The following CLDN10 variants were observed in gnomAD, a reference collection of about 807,000 sequenced individuals.
CLDN10 encodes claudin-10.
Under a neutral mutation model 22.9 loss-of-function variants are expected in CLDN10, and 15 were observed. The observed-to-expected ratio is 0.65, with a 90% CI of 0.44 to 1.01. The LOEUF (loss-of-function observed/expected upper bound fraction) is 1.01, where lower values mean the gene tolerates loss of function less well. Among genes scored for constraint, CLDN10 ranks in the 50% least tolerant of loss-of-function variants. The pLI, the probability that CLDN10 is intolerant of heterozygous loss-of-function variation, is 0.00. For missense variants in CLDN10, 247 were observed against 287.8 expected (o/e 0.86, Z 1.03); for synonymous variants, 114 against 111.4 (o/e 1.02, Z -0.15).
In CLDN10 at chr13:95,535,169, C is replaced by T. The variant is rs150791502; in HGVS notation, c.215-24963C>T. Among the ~76,000 whole-genome samples the T allele has an allele frequency of 3.2e-4, 49 of 152,186 alleles. No homozygotes were observed. In the East Asian group the frequency reaches 8.7e-3, roughly 27 times the overall value. ...TGATGGGCTGAAGATCCTAGGATACCTTTTGTGTCATGATAAGATACACAG... is the reference window on the plus strand; with the variant it reads ...TGATGGGCTGAAGATCCTAGGATACTTTTTGTGTCATGATAAGATACACAG... On this transcript the variant is annotated intron_variant, in intron 1 of 4. Transcript: ENST00000376873.
At chr13:95,537,902 A>G (rs1268061893) in intron 1 of CLDN10, among the ~76,000 whole-genome samples, 1 of 152,204 alleles carries the variant, frequency 6.6e-6, no homozygotes, top group African/African-American at 2.4e-5. Context: ...TTATCTGCCA[A>G]TTGATAAGCA....
chr13:95,489,393 T>G (rs542317578), intron 1 of CLDN10, among the ~76,000 whole-genome samples: 10 of 152,328 alleles, frequency 6.6e-5, no homozygotes, highest in Admixed American at 6.5e-4. Context: ...TACTGGTTTT[T>G]TTTTTATTTT....
At chr13:95,440,286 G>C (rs1240487705) in intron 1 of CLDN10, among the ~76,000 whole-genome samples, 1 of 152,182 alleles carries the variant, frequency 6.6e-6, no homozygotes, top group South Asian at 2.1e-4. Flanking sequence ...TCCTGATGCT[G>C]CTTTCTGAAA....
chr13:95,544,871 G>A (rs1362894428), intron 1 of CLDN10, among the ~76,000 whole-genome samples: 34 of 151,622 alleles, frequency 2.2e-4, no homozygotes, highest in Admixed American at 2.1e-3. Flanking sequence ...CCATCTCCCC[G>A]GTTCAAGCAA....
At chr13:95,524,094 C>CTTT (rs36014421) in intron 1 of CLDN10, among the ~76,000 whole-genome samples, 11 of 137,910 alleles carry the variant, frequency 8.0e-5, no homozygotes, top group South Asian at 2.3e-4. Context: ...CTTTGACTGG[C>CTTT]TTTTTTTTTT....
At chr13:95,438,051 T>A (rs187175543) in intron 1 of CLDN10, among the ~76,000 whole-genome samples, 2 of 152,304 alleles carry the variant, frequency 1.3e-5, no homozygotes, top group East Asian at 3.9e-4. Flanking sequence ...TCTTTTCTTC[T>A]GTTTTTAATT....
chr13:95,539,961 C>A (rs1368741677), intron 1 of CLDN10, among the ~76,000 whole-genome samples: 2 of 151,930 alleles, frequency 1.3e-5, no homozygotes, highest in African/African-American at 2.4e-5. Flanking sequence ...TCAAGACCAG[C>A]CTGGGCAACA....
At chr13:95,444,274 T>C (rs528445984) in intron 1 of CLDN10, among the ~76,000 whole-genome samples, 5 of 152,232 alleles carry the variant, frequency 3.3e-5, no homozygotes, top group African/African-American at 9.6e-5. Flanking sequence ...ATGTACATTA[T>C]AGAAAGCGCC....
chr13:95,506,587 G>A (rs2043041361), intron 1 of CLDN10, among the ~76,000 whole-genome samples: 1 of 152,132 alleles, frequency 6.6e-6, no homozygotes, highest in African/African-American at 2.4e-5. Context: ...CAAGCCTCAG[G>A]CCCTCACTGA....
At chr13:95,514,800 A>G (rs1332939362) in intron 1 of CLDN10, among the ~76,000 whole-genome samples, 1 of 152,162 alleles carries the variant, frequency 6.6e-6, no homozygotes, top group Non-Finnish European at 1.5e-5. Context: ...GATTTGCTTT[A>G]TAAGTTAAGA....
chr13:95,474,252 A>G (rs542635717), intron 1 of CLDN10, among the ~76,000 whole-genome samples: 1 of 152,306 alleles, frequency 6.6e-6, no homozygotes, highest in African/African-American at 2.4e-5. Flanking sequence ...GAGGGAACCC[A>G]GATCCCTCGT....
At chr13:95,435,360 A>T (rs2042258079) in intron 1 of CLDN10, among the ~76,000 whole-genome samples, 1 of 152,258 alleles carries the variant, frequency 6.6e-6, no homozygotes, top group African/African-American at 2.4e-5. Context: ...TTAACTAGGA[A>T]GTTACTAAAG....
intron 1 of CLDN10, among the ~76,000 whole-genome samples, chr13:95,449,892 C>T (rs891044476): frequency 6.6e-6 from 1 of 151,994 alleles, no homozygotes; most frequent in Admixed American, 6.6e-5. Context: ...TACAGGCGCC[C>T]GCCACCACGC....
intron 1 of CLDN10, among the ~76,000 whole-genome samples, chr13:95,442,392 C>A (rs1016101424): frequency 2.6e-5 from 4 of 152,096 alleles, no homozygotes; most frequent in Non-Finnish European, 5.9e-5. Flanking sequence ...TCCTTTGCTG[C>A]GTGTCTTGTC....
intron 1 of CLDN10, among the ~76,000 whole-genome samples, chr13:95,487,265 A>G (rs1172802550): frequency 2.6e-5 from 4 of 152,130 alleles, no homozygotes; most frequent in Non-Finnish European, 5.9e-5. Context: ...TTACTTTTCT[A>G]TTTTTCCCTT....
At chr13:95,575,298 T>C (rs2043909475) in intron 3 of CLDN10, among the ~76,000 whole-genome samples, 1 of 152,238 alleles carries the variant, frequency 6.6e-6, no homozygotes. Context: ...CTCATTCCTT[T>C]AGTTGTCTGC....
At chr13:95,541,291 A>G (rs2043457692) in intron 1 of CLDN10, among the ~76,000 whole-genome samples, 1 of 152,206 alleles carries the variant, frequency 6.6e-6, no homozygotes. Flanking sequence ...GCTTCTAATT[A>G]AGAGGCAACT....
rs915343533 is a variant in CLDN10 at position 95,492,289 on chromosome 13, G to T, written c.214+58242G>T. Among the ~76,000 whole-genome samples the T allele has an allele frequency of 3.3e-5, 5 of 152,044 alleles. No homozygotes were observed. In the South Asian group the frequency reaches 1.0e-3, roughly 32 times the overall value. Reference sequence around the variant, plus strand: ...GGGTAGGGAAGGACCATAAGGTGGGGGCGGGGCTGGGTGTGTCTGAGCTCA... The same window carrying T: ...GGGTAGGGAAGGACCATAAGGTGGGTGCGGGGCTGGGTGTGTCTGAGCTCA... On this transcript the variant is annotated intron_variant, in intron 1 of 4. Transcript: ENST00000376873.
At chr13:95,498,538 G>A (rs1409502063) in intron 1 of CLDN10, among the ~76,000 whole-genome samples, 3 of 152,044 alleles carry the variant, frequency 2.0e-5, no homozygotes, top group Non-Finnish European at 4.4e-5. Context: ...GGGACTACAG[G>A]CACAAGCCAC....
Sources: gnomAD v4.1 joint callset for allele counts (sites outside exome capture counted in the v4.1 genomes callset) on GRCh38, gnomAD v4.1.1 for gene constraint, MANE v1.5 for transcripts, NCBI Gene and HGNC (gene_info 2026-07-23, HGNC 2026-07-21) for gene names.